DDX31: variants seen among roughly 807,000 people sequenced by gnomAD.
DDX31 encodes the protein DEAD-box helicase 31.
In DDX31, 70 loss-of-function variants were observed where a neutral mutation model predicts 91.3. The observed-to-expected ratio is 0.77, with a 90% confidence interval of 0.63 to 0.94. The LOEUF is 0.94. DDX31 is among the 40% of genes least tolerant of loss of function. The pLI, the probability that DDX31 is intolerant of heterozygous loss-of-function variation, is 0.00. For missense variants in DDX31, 902 were observed against 925.0 expected (o/e 0.98, Z 0.32); for synonymous variants, 362 against 350.6 (o/e 1.03, Z -0.36).
chr9:132,641,026 C>A (rs776465928), intron 14 of DDX31, among the ~76,000 whole-genome samples: 1 of 152,084 alleles, frequency 6.6e-6, no homozygotes, highest in African/African-American at 2.4e-5. Context: ...GCCTCACACA[C>A]GAGAAATGAC....
rs140713572 is a variant in DDX31 at position 132,664,815 on chromosome 9, C to T, written c.76-2120G>A. On this transcript the variant is annotated intron_variant, in intron 1 of 19. Coordinates refer to ENST00000372159, the MANE Select transcript of DDX31 (RefSeq NM_022779.9). ...AGCTTCAGCTTTACTCTCTGCCACT[C>T]GGGTCTTCCTTCAGTTCCTAGAATG... Among the ~76,000 whole-genome samples, 7 of 152,044 alleles carry T rather than the reference C, an allele frequency of 4.6e-5. 1 individual carries two copies. Among genetic ancestry groups the T allele is most frequent in the South Asian group, 4.2e-4 (2 of 4,814 alleles).
chr9:132,606,029 A>G (rs1342713855), intron 19 of DDX31, among the ~76,000 whole-genome samples: 1 of 152,038 alleles, frequency 6.6e-6, no homozygotes, highest in Non-Finnish European at 1.5e-5. Flanking sequence ...AAGCGGAGGG[A>G]AGAGACAGAT....
Position 132,620,497 on chromosome 9 carries a change from A to G in DDX31, c.1714-2056T>C, listed in dbSNP as rs187239214. 2.2e-3 allele frequency among the ~76,000 whole-genome samples: 337 copies of G among 152,114 alleles called. 1 individual carries two copies. Among genetic ancestry groups the G allele is most frequent in the Non-Finnish European group, 3.7e-3 (249 of 68,006 alleles). ...TACGTAGGGAAAAAAAAAACAGGAT[A>G]GAACTAGGTTCACAGGTTTGAAATG... On this transcript the variant is annotated intron_variant, in intron 17 of 19. Transcript: ENST00000372159.
At chr9:132,646,192 T>C (rs1341804263) in intron 12 of DDX31, 121 bp from the exon 13 acceptor site, 4 of 1,085,272 alleles carry the variant, frequency 3.7e-6, no homozygotes, top group African/African-American at 1.6e-5. Context: ...GTGACTATCT[T>C]TGAATTATTT....
In DDX31 at chr9:132,612,165, G is replaced by A. The variant is rs1257083396; in HGVS notation, c.1916C>T (p.Ala639Val). 2.0e-5 allele frequency: 32 copies of A among 1,614,030 alleles called. No individual in the cohort carries two copies. Among genetic ancestry groups the A allele is most frequent in the African/African-American group, 2.7e-5 (2 of 74,900 alleles). ...GGCATCTCTTAGTCCGAAGCTCTTC[G>A]CCACATGCCCAAGGTGGAGGGATCG... Reference protein sequence around the residue: ...HVRSLHLGHVAKSFGLRDAPR... With the variant: ...HVRSLHLGHVVKSFGLRDAPR... Residue 639 changes from alanine to valine, a missense_variant, in exon 19 of 20, where the codon GCG (alanine) becomes GTG (valine). Ala to Val is a moderately conservative substitution (Grantham distance 64, BLOSUM62 0). Coordinates refer to ENST00000372159, the MANE Select transcript of DDX31 (RefSeq NM_022779.9).
At chr9:132,646,706 G>A in intron 12 of DDX31, 117 bp downstream of exon 12, 1 of 933,842 alleles carries the variant, frequency 1.1e-6, no homozygotes, top group South Asian at 1.5e-5. Flanking sequence ...CCGGAATGCA[G>A]ACATAAGTTG....
chr9:132,663,307 G>T, intron 1 of DDX31: 1 of 1,288,972 alleles, frequency 7.8e-7, no homozygotes, highest in Non-Finnish European at 1.0e-6. Flanking sequence ...AAATTCCTAC[G>T]CCCTGTTCCC....
At chr9:132,639,741 A>G (rs115111970) in intron 14 of DDX31, among the ~76,000 whole-genome samples, 1 of 152,358 alleles carries the variant, frequency 6.6e-6, no homozygotes, top group African/African-American at 2.4e-5. Context: ...TCATGTCTGT[A>G]AAGTGTTTGC....
At chr9:132,626,503 T>C (rs765981517) in intron 16 of DDX31, among the ~76,000 whole-genome samples, 1 of 152,112 alleles carries the variant, frequency 6.6e-6, no homozygotes, top group Non-Finnish European at 1.5e-5. Flanking sequence ...AAAGAGAGAC[T>C]TGCGTGTCAG....
intron 14 of DDX31, among the ~76,000 whole-genome samples, chr9:132,641,794 T>C (rs890536854): frequency 2.1e-4 from 32 of 152,192 alleles, no homozygotes; most frequent in Non-Finnish European, 4.4e-4. Context: ...AGTGAGCAAA[T>C]TGCCAAGTCT....
At chr9:132,627,193 T>C (rs975432345) in intron 16 of DDX31, among the ~76,000 whole-genome samples, 2 of 152,138 alleles carry the variant, frequency 1.3e-5, no homozygotes, top group Non-Finnish European at 2.9e-5. Context: ...AGTAATGCCG[T>C]TTGCAGTCAG....
intron 14 of DDX31, among the ~76,000 whole-genome samples, chr9:132,635,218 T>C (rs1485964520): frequency 6.6e-6 from 1 of 152,110 alleles, no homozygotes; most frequent in Non-Finnish European, 1.5e-5. Flanking sequence ...TCCTTCGTAA[T>C]GAGTAAGTAG....
chr9:132,661,922 C>A (rs1289538910), intron 3 of DDX31, among the ~76,000 whole-genome samples: 1 of 152,180 alleles, frequency 6.6e-6, no homozygotes, highest in Non-Finnish European at 1.5e-5. Flanking sequence ...ACCACTACAA[C>A]TATCCAGTAA....
intron 14 of DDX31, among the ~76,000 whole-genome samples, chr9:132,632,688 C>A (rs1295823460): frequency 5.3e-5 from 8 of 152,056 alleles, no homozygotes; most frequent in South Asian, 2.1e-4. Context: ...TGCTTTCTGG[C>A]CTCAGAGAGC....
chr9:132,629,784 T>C (rs1832612749), intron 16 of DDX31, among the ~76,000 whole-genome samples: 1 of 152,222 alleles, frequency 6.6e-6, no homozygotes, highest in Non-Finnish European at 1.5e-5. Context: ...GGCAGCTGAA[T>C]GTCCTGGCTG....
At chr9:132,630,031 G>C (rs1441622914) in intron 16 of DDX31, among the ~76,000 whole-genome samples, 21 of 152,230 alleles carry the variant, frequency 1.4e-4, no homozygotes, top group Admixed American at 1.4e-3. Flanking sequence ...CTCTCTAAAA[G>C]AAAACCAAGT....
chr9:132,664,582 T>C (rs773309731), intron 1 of DDX31, among the ~76,000 whole-genome samples: 19 of 151,968 alleles, frequency 1.3e-4, no homozygotes, highest in Non-Finnish European at 2.4e-4. Context: ...TGGTGGTGCA[T>C]GTCTGTAGTC....
rs775734526 is a variant in DDX31, at chr9:132,662,588, T to C, written c.183A>G (p.Glu61=). The change falls in exon 2 of 20, where the codon GAA becomes GAG. Residue 61 remains glutamate, a synonymous_variant. Coordinates refer to ENST00000372159, the MANE Select transcript of DDX31 (RefSeq NM_022779.9). The stretch of plus-strand genomic sequence containing the variant: ...CGTTCCCCTTAAAAGTCCTCTGAGT[T>C]TCTTTAACACTAGTTTTCTTGGCTG... ...FLPAKKTSVK[E]TQRTFKGNAQ... 1.2e-6 allele frequency: 2 copies of C among 1,614,244 alleles called. No individual in the cohort carries two copies. The highest frequency in any genetic ancestry group is 2.2e-5 in the South Asian group (2 of 91,086).
intron 11 of DDX31, 57 bp from the exon 12 acceptor site, chr9:132,647,115 C>T (rs1833890819): frequency 2.0e-6 from 3 of 1,525,084 alleles, no homozygotes; most frequent in Admixed American, 3.4e-5. Flanking sequence ...AAACTGGTCA[C>T]AAAAGCGTAC....
Sources: gnomAD v4.1 joint callset for allele counts (sites outside exome capture counted in the v4.1 genomes callset) on GRCh38, gnomAD v4.1.1 for gene constraint, MANE v1.5 for transcripts, NCBI Gene and HGNC (gene_info 2026-07-23, HGNC 2026-07-21) for gene names.